The following TUBGCP5 variants were observed in gnomAD, a reference collection of about 807,000 sequenced individuals.
The protein encoded by TUBGCP5 is gamma-tubulin complex component 5.
Under a neutral mutation model 134.7 loss-of-function variants are expected in TUBGCP5, and 98 were observed. That is an observed-to-expected ratio of 0.73 (90% CI 0.62 to 0.86). The LOEUF (loss-of-function observed/expected upper bound fraction) is 0.86. TUBGCP5 is among the 40% of genes least tolerant of loss of function. TUBGCP5 has a pLI of 0.00. For missense variants in TUBGCP5, 1,150 were observed against 1,244.8 expected (o/e 0.92, Z 1.15); for synonymous variants, 456 against 431.4 (o/e 1.06, Z -0.71).
chr15:23,015,053 T>C (rs2065236290), intron 13 of TUBGCP5, among the ~76,000 whole-genome samples: 1 of 152,062 alleles, frequency 6.6e-6, no homozygotes, highest in African/African-American at 2.4e-5. Context: ...TGAGAAACAG[T>C]CCAGCAAGCC....
rs770166443 is a variant in TUBGCP5, at chr15:23,037,080, T to C, written c.200+19A>G. 5.6e-6 allele frequency: 9 copies of C among 1,612,764 alleles called. No homozygotes were observed. Among genetic ancestry groups the C allele is most frequent in the South Asian group, 1.1e-5 (1 of 90,980 alleles). ...AAATACATATATTTCTGGATGCGTA[T>C]ATATACACACTGACTTACCCTTCGA... On this transcript the variant is annotated intron_variant, in intron 2 of 22. Transcript: ENST00000615383.
In TUBGCP5 at chr15:23,003,995, A is replaced by G. The variant is rs1359841684; in HGVS notation, c.2838+107T>C. On this transcript the variant is annotated intron_variant, in intron 20 of 22. Transcript: ENST00000615383. Reference sequence around the variant, plus strand: ...ACCTCATTTCATCTGGTTCTTCCTTAAAGAATATTCTACAGGACAGAAGCT... The same window carrying G: ...ACCTCATTTCATCTGGTTCTTCCTTGAAGAATATTCTACAGGACAGAAGCT... 4 of 1,394,904 alleles carry G rather than the reference A, an allele frequency of 2.9e-6. No individual in the cohort carries two copies. The African/African-American group carries it at 5.9e-5, about 21-fold the overall frequency. The allele number at this position is 1,394,904 out of a possible 1,614,324, so 86.4% of individuals were successfully genotyped here.
intron 1 of TUBGCP5, among the ~76,000 whole-genome samples, chr15:23,039,003 G>T (rs1280449627): frequency 4.6e-5 from 7 of 151,636 alleles, no homozygotes; most frequent in Non-Finnish European, 1.5e-5. Context: ...CAGGGAGCAG[G>T]AGTCAGTGAG....
intron 17 of TUBGCP5, 45 bp from the exon 18 acceptor site, chr15:23,006,217 G>A: frequency 6.2e-7 from 1 of 1,610,360 alleles, no homozygotes; most frequent in Non-Finnish European, 8.5e-7. Context: ...TTACTTGCAT[G>A]TTTTAATGTT....
intron 6 of TUBGCP5, among the ~76,000 whole-genome samples, chr15:23,028,777 G>A (rs2066126380): frequency 6.6e-6 from 1 of 152,118 alleles, no homozygotes; most frequent in African/African-American, 2.4e-5. Context: ...TTCTGCTACG[G>A]ACTAGAGGGT....
At chr15:23,011,030 A>C (rs528214463) in intron 14 of TUBGCP5, 103 bp downstream of exon 14, 41 of 1,118,114 alleles carry the variant, frequency 3.7e-5, no homozygotes, top group Non-Finnish European at 5.2e-5. Context: ...GATAGCCTAC[A>C]AGAGTTTTTG....
chr15:23,030,921 G>C lies in TUBGCP5; in HGVS notation c.586C>G (p.Gln196Glu). ...ATACAAGGATCCAGTTTTCTGTTTT[G>C]ATCTTGTTCTTCTAACGGTGTCCTG... is the stretch of plus-strand genomic sequence containing the variant. ...VDRTPLEEQDQNRKLDPCISW... is the reference protein window; with the variant it reads ...VDRTPLEEQDENRKLDPCISW... Residue 196 changes from glutamine (Q) to glutamate (E), a missense_variant, in exon 6 of 23, where the codon CAA becomes GAA. By Grantham distance (29) the Gln-to-Glu change is conservative. Around this residue, in one of 2 missense-constraint regions of TUBGCP5, gnomAD observed 453 missense variants for 394.7 expected, o/e 1.15. Coordinates refer to ENST00000615383, the MANE Select transcript of TUBGCP5 (RefSeq NM_052903.6). The C allele has an allele frequency of 3.1e-6, 5 of 1,613,350 alleles. No homozygotes were observed. The highest frequency in any genetic ancestry group is 4.2e-6 in the Non-Finnish European group (5 of 1,179,816).
chr15:23,029,509 C>T (rs2066177858), intron 6 of TUBGCP5, among the ~76,000 whole-genome samples: 2 of 152,192 alleles, frequency 1.3e-5, no homozygotes, highest in Admixed American at 1.3e-4. Flanking sequence ...GCGTAAGCCA[C>T]TGCACCTGGC....
At chr15:22,989,431 G>C (rs2063782104) in intron 23 of TUBGCP5, among the ~76,000 whole-genome samples, 1 of 151,724 alleles carries the variant, frequency 6.6e-6, no homozygotes, top group Non-Finnish European at 1.5e-5. Flanking sequence ...AGCTGGGACA[G>C]CCTCACTAGG....
At chr15:23,026,965 A>G (rs1161008636) in intron 7 of TUBGCP5, among the ~76,000 whole-genome samples, 1 of 152,140 alleles carries the variant, frequency 6.6e-6, no homozygotes, top group Non-Finnish European at 1.5e-5. Flanking sequence ...AAAATAAAAA[A>G]TAAAAAATTA....
At chr15:23,029,633 C>T (rs1051501852) in intron 6 of TUBGCP5, among the ~76,000 whole-genome samples, 1 of 152,114 alleles carries the variant, frequency 6.6e-6, no homozygotes, top group African/African-American at 2.4e-5. Flanking sequence ...TCTGTAATCC[C>T]CGCACGTTGG....
downstream of TUBGCP5, chr15:22,983,093 A>T (rs1022656380): frequency 3.3e-5 from 5 of 152,180 alleles, no homozygotes; most frequent in South Asian, 6.2e-4. Context: ...AAGATACAAA[A>T]TTTTTTTTAA....
chr15:23,000,290 G>A (rs921969408), intron 22 of TUBGCP5: 1 of 1,266,918 alleles, frequency 7.9e-7, no homozygotes, highest in Non-Finnish European at 9.9e-7. Context: ...ATAGTGAAGT[G>A]TGACAGAAAT....
intron 12 of TUBGCP5, 127 bp from the exon 13 acceptor site, chr15:23,018,168 G>A (rs2065452503): frequency 2.3e-6 from 2 of 860,788 alleles, no homozygotes; most frequent in Non-Finnish European, 1.8e-6. Flanking sequence ...GCAAACTTTA[G>A]GCAAAATGGG....
chr15:23,032,174 T>G, intron 4 of TUBGCP5, 145 bp from the exon 5 acceptor site: 1 of 586,672 alleles, frequency 1.7e-6, no homozygotes, highest in South Asian at 2.4e-5. Flanking sequence ...TAAATTGATA[T>G]CCTAAAACAT....
At chr15:23,009,826 G>T (rs543994922) in intron 15 of TUBGCP5, 119 bp downstream of exon 15, 2 of 737,146 alleles carry the variant, frequency 2.7e-6, no homozygotes, top group Admixed American at 7.0e-5. Context: ...TTAGAAAATT[G>T]TTTACTGTAT....
At chr15:23,006,398 C>T in intron 16 of TUBGCP5, 46 bp from the exon 17 acceptor site, 7 of 1,329,748 alleles carry the variant, frequency 5.3e-6, no homozygotes, top group Admixed American at 2.2e-5. Flanking sequence ...CACTATGTCA[C>T]ACAAAAATGC....
intron 23 of TUBGCP5, among the ~76,000 whole-genome samples, chr15:22,987,203 A>T (rs1355744858): frequency 6.6e-6 from 1 of 151,850 alleles, no homozygotes; most frequent in Non-Finnish European, 1.5e-5. Flanking sequence ...GCGTGGTGGA[A>T]CATGCCTGCA....
At chr15:23,036,458 G>A (rs2066594961) in intron 3 of TUBGCP5, among the ~76,000 whole-genome samples, 1 of 151,904 alleles carries the variant, frequency 6.6e-6, no homozygotes, top group Non-Finnish European at 1.5e-5. Flanking sequence ...TAACAGTGAG[G>A]ATAACAGCTT....
Sources: allele counts gnomAD v4.1 joint callset (sites outside exome capture counted in the v4.1 genomes callset), GRCh38; gene constraint gnomAD v4.1.1; regional missense constraint gnomAD v4.1.1; transcripts MANE v1.5; gene names NCBI Gene and HGNC (gene_info 2026-07-23, HGNC 2026-07-21).